The following CTNNA2 variants were observed in gnomAD, a reference collection of about 807,000 sequenced individuals.
CTNNA2 encodes catenin alpha 2.
Under a neutral mutation model 101.0 loss-of-function variants are expected in CTNNA2, and 42 were observed. The ratio of observed to expected loss-of-function variants is 0.42; its 90% CI spans 0.32 to 0.54. CTNNA2 has a LOEUF of 0.54. Among genes scored for constraint, CTNNA2 ranks in the 20% least tolerant of loss-of-function variants. The pLI, the probability that CTNNA2 is intolerant of heterozygous loss-of-function variation, is 0.14. For synonymous variants in CTNNA2, 450 were observed against 456.4 expected, an observed-to-expected ratio of 0.99 and a Z score of 0.18; for missense variants, 871 against 1,223.1, an observed-to-expected ratio of 0.71 and a Z score of 4.29.
intron 7 of CTNNA2, among the ~76,000 whole-genome samples, chr2:80,049,541 A>G (rs1696736106): frequency 6.6e-6 from 1 of 152,186 alleles, no homozygotes; most frequent in African/African-American, 2.4e-5. Flanking sequence ...CCCCTTGAAC[A>G]TTGTGAACTC....
chr2:79,462,954 A>G (rs1285169402), intron 4 of CTNNA2, among the ~76,000 whole-genome samples: 1 of 152,246 alleles, frequency 6.6e-6, no homozygotes, highest in African/African-American at 2.4e-5. Context: ...AGGAAGAGTC[A>G]TCCAGGTATC....
At chr2:80,471,740 TA>T in intron 9 of CTNNA2, among the ~76,000 whole-genome samples, 1 of 152,234 alleles carries the variant, frequency 6.6e-6, no homozygotes, top group East Asian at 1.9e-4. Context: ...AATGTAAGGA[TA>T]AAAAAGGAAG....
chr2:80,179,924 G>A (rs190218859), intron 7 of CTNNA2, among the ~76,000 whole-genome samples: 113 of 152,272 alleles, frequency 7.4e-4, no homozygotes, highest in African/African-American at 2.7e-3. Flanking sequence ...ACCACAGGAT[G>A]AGTCTGGGGA....
intron 2 of CTNNA2, among the ~76,000 whole-genome samples, chr2:79,293,612 G>A (rs1317308315): frequency 6.6e-6 from 1 of 152,138 alleles, no homozygotes. Context: ...GCCATCAGCT[G>A]AGGGTAGGTC....
intron 2 of CTNNA2, among the ~76,000 whole-genome samples, chr2:79,300,036 T>C (rs866505568): frequency 6.6e-6 from 1 of 152,328 alleles, no homozygotes; most frequent in East Asian, 1.9e-4. Context: ...TTTGTTACAA[T>C]TGATGAACCA....
chr2:79,250,943 A>AC (rs1306138718), intron 2 of CTNNA2, among the ~76,000 whole-genome samples: 1 of 152,016 alleles, frequency 6.6e-6, no homozygotes, highest in African/African-American at 2.4e-5. Context: ...AAAAATAACT[A>AC]CCCCAGGCTC....
In CTNNA2 at chr2:79,771,643, A is replaced by G. The variant is rs560719588; in HGVS notation, c.298+27061A>G. Among the ~76,000 whole-genome samples, 9 of 152,270 alleles carry G rather than the reference A, an allele frequency of 5.9e-5. No individual in the cohort carries two copies. The South Asian group carries it at 1.0e-3, about 18-fold the overall frequency. ...AGTTCACAAGAGGGTCCACTCTCCTATGAGAATCAAATGCCACCACTGATC... is the reference window on the plus strand; with the variant it reads ...AGTTCACAAGAGGGTCCACTCTCCTGTGAGAATCAAATGCCACCACTGATC... On this transcript the variant is annotated intron_variant, in intron 3 of 18. Transcript: ENST00000402739.
At chr2:79,424,718 C>T (rs190144267) in intron 4 of CTNNA2, among the ~76,000 whole-genome samples, 13 of 152,202 alleles carry the variant, frequency 8.5e-5, no homozygotes, top group African/African-American at 3.1e-4. Flanking sequence ...TATCTAACTA[C>T]TACAAGCAGG....
At chr2:79,694,160 G>A (rs1244754190) in intron 2 of CTNNA2, among the ~76,000 whole-genome samples, 6 of 151,812 alleles carry the variant, frequency 4.0e-5, no homozygotes, top group African/African-American at 4.8e-5. Flanking sequence ...GTCAAATTGC[G>A]TCGCCTAATT....
At chr2:80,470,057 C>A (rs769920737) in intron 9 of CTNNA2, among the ~76,000 whole-genome samples, 1 of 152,150 alleles carries the variant, frequency 6.6e-6, no homozygotes, top group East Asian at 1.9e-4. Context: ...CATTCCTTTA[C>A]CCGTGCGGGG....
intron 7 of CTNNA2, among the ~76,000 whole-genome samples, chr2:80,138,610 A>C (rs997283155): frequency 7.2e-5 from 11 of 152,258 alleles, no homozygotes; most frequent in African/African-American, 2.4e-4. Flanking sequence ...GGGCTGGCAC[A>C]TGATATGCAT....
At chr2:80,270,363 G>T (rs924324666) in intron 7 of CTNNA2, among the ~76,000 whole-genome samples, 1 of 152,148 alleles carries the variant, frequency 6.6e-6, no homozygotes, top group Non-Finnish European at 1.5e-5. Flanking sequence ...AAGCCTTAGA[G>T]GTTTCTTGAT....
intron 3 of CTNNA2, among the ~76,000 whole-genome samples, chr2:79,835,666 G>GTTTTTTTTTTTTTTTTTT (rs70940048): frequency 6.8e-5 from 4 of 58,618 alleles, no homozygotes; most frequent in African/African-American, 1.5e-4. Flanking sequence ...GCCTCTCTTT[G>GTTTTTTTTTTTTTTTTTT]TTTTTTTTTT....
intron 1 of CTNNA2, among the ~76,000 whole-genome samples, chr2:79,623,954 G>C (rs554197025): frequency 1.3e-5 from 2 of 152,018 alleles, no homozygotes; most frequent in Non-Finnish European, 2.9e-5. Flanking sequence ...AATCATTTGC[G>C]AAAGAATTCT....
chr2:80,152,175 A>G (rs1387504345), intron 7 of CTNNA2, among the ~76,000 whole-genome samples: 1 of 152,234 alleles, frequency 6.6e-6, no homozygotes, highest in African/African-American at 2.4e-5. Flanking sequence ...GATTCAGTTA[A>G]GAATACTTGA....
chr2:79,304,140 G>A (rs754775491), intron 2 of CTNNA2, among the ~76,000 whole-genome samples: 6 of 152,212 alleles, frequency 3.9e-5, no homozygotes, highest in African/African-American at 1.2e-4. Context: ...GGTTGTATAA[G>A]GCACATATCT....
At chr2:80,079,973 T>C (rs1699036383) in intron 7 of CTNNA2, among the ~76,000 whole-genome samples, 1 of 152,208 alleles carries the variant, frequency 6.6e-6, no homozygotes, top group East Asian at 1.9e-4. Flanking sequence ...TTTAAGATGA[T>C]CCATCTGCGT....
At chr2:79,873,979 T>G (rs1319434627) in intron 5 of CTNNA2, 97 bp from the exon 6 acceptor site, 1 of 1,511,246 alleles carries the variant, frequency 6.6e-7, no homozygotes, top group Non-Finnish European at 8.8e-7. Context: ...TTTCTGAAGT[T>G]CAGTGTGTTA....
chr2:80,262,465 T>A (rs925539671), intron 7 of CTNNA2, among the ~76,000 whole-genome samples: 3 of 152,236 alleles, frequency 2.0e-5, no homozygotes, highest in African/African-American at 7.2e-5. Flanking sequence ...TATTTCCTAA[T>A]GGGAATTCTT....
Sources: gnomAD v4.1 joint callset for allele counts (sites outside exome capture counted in the v4.1 genomes callset) on GRCh38, gnomAD v4.1.1 for gene constraint, MANE v1.5 for transcripts, NCBI Gene and HGNC (gene_info 2026-07-23, HGNC 2026-07-21) for gene names.